PBXIP1: variants seen among roughly 807,000 people sequenced by gnomAD.
The protein encoded by PBXIP1 is pre-B-cell leukemia transcription factor-interacting protein 1.
In PBXIP1, 73 loss-of-function variants were observed where a neutral mutation model predicts 73.7. The observed-to-expected ratio is 0.99, with a 90% CI of 0.82 to 1.20. The LOEUF is 1.20. Ranked by LOEUF, PBXIP1 falls within the 50% of genes most tolerant of loss-of-function variation. The pLI, the probability that PBXIP1 is intolerant of heterozygous loss-of-function variation, is 0.00. For missense variants in PBXIP1, 818 were observed against 911.4 expected (o/e 0.90, Z 1.32); for synonymous variants, 330 against 366.9 (o/e 0.90, Z 1.15).
At chr1:154,949,697 T>C (rs1654947282) in intron 5 of PBXIP1, among the ~76,000 whole-genome samples, 1 of 152,018 alleles carries the variant, frequency 6.6e-6, no homozygotes, top group African/African-American at 2.4e-5. Context: ...CACCAATCAA[T>C]CACAGGTGAT....
rs760252887 is a variant in PBXIP1 at position 154,948,181 on chromosome 1, G to A, written c.595C>T (p.Leu199Phe). The change falls in exon 6 of 11, where the codon CTC becomes TTC. Residue 199 changes from leucine to phenylalanine, a missense_variant. Leu to Phe is a conservative substitution (Grantham distance 22, BLOSUM62 0). Transcript: ENST00000368463. ...CCAAGCAGAACCAGGGCCCCAAGGA[G>A]GCACATGTTGAGGGAGATGCCCAGC... ...GELGISLNMC[L>F]LGALVLLGLG... 16 of 1,604,114 alleles carry A rather than the reference G, an allele frequency of 1.0e-5. No homozygotes were observed. In the Middle Eastern group the frequency reaches 2.0e-3, roughly 200 times the overall value.
Position 154,946,182 on chromosome 1 carries a change from C to T in PBXIP1, c.1492G>A (p.Gly498Ser), listed in dbSNP as rs754375858. ...EHWKHKKEESGRERKKNWGGQ... is the reference protein window; with the variant it reads ...EHWKHKKEESSRERKKNWGGQ... ...CCCCAGTTCTTCTTCCTTTCCCGGC[C>T]AGATTCTTCCTTCTTATGTTTCCAG... Residue 498 changes from glycine (G) to serine (S), a missense_variant, in exon 10 of 11, where the codon GGC becomes AGC. Gly to Ser is a moderately conservative substitution (Grantham distance 56, BLOSUM62 0). Transcript: ENST00000368463. 8.7e-6 allele frequency: 14 copies of T among 1,614,026 alleles called. No individual in the cohort carries two copies. The Admixed American group carries it at 2.3e-4, about 27-fold the overall frequency.
Position 154,951,407 on chromosome 1 carries a change from A to C in PBXIP1, c.244-10T>G, listed in dbSNP as rs201533099. The C allele has an allele frequency of 1.5e-5, 25 of 1,614,012 alleles. No individual in the cohort carries two copies. Among genetic ancestry groups the C allele is most frequent in the Admixed American group, 1.5e-4 (9 of 60,014 alleles). Reference sequence around the variant, plus strand: ...CACCTTCCAGGGTGCCCTAATGCAGATGCAGCAGTGAGCAGCTGCTAGCCC... The same window carrying C: ...CACCTTCCAGGGTGCCCTAATGCAGCTGCAGCAGTGAGCAGCTGCTAGCCC... On this transcript the variant is annotated splice_polypyrimidine_tract_variant and intron_variant, in intron 4 of 10. Transcript: ENST00000368463. The surrounding 1 kb of genome is among the most constrained non-coding windows in gnomAD (Gnocchi z 4.3).
rs778613520 is a variant in PBXIP1, at chr1:154,951,426, C to G, written c.244-29G>C. ...ATGCAGATGCAGCAGTGAGCAGCTG[C>G]TAGCCCTCCCCGCCTCCCTTCCTTC... On this transcript the variant is annotated intron_variant, in intron 4 of 10. Transcript: ENST00000368463. This position sits in a 1 kb window ranked among gnomAD's most constrained non-coding sequence, Gnocchi z 4.3. 3 of 1,614,100 alleles carry G rather than the reference C, an allele frequency of 1.9e-6. No homozygotes were observed. Among genetic ancestry groups the G allele is most frequent in the Non-Finnish European group, 8.5e-7 (1 of 1,179,976 alleles).
chr1:154,948,433 G>A (rs1277124198), intron 5 of PBXIP1, 67 bp from the exon 6 acceptor site: 10 of 1,164,904 alleles, frequency 8.6e-6, no homozygotes, highest in South Asian at 1.5e-5. Context: ...GGGAGAGAGG[G>A]GAATCAGAGG....
chr1:154,953,748 T>C lies in PBXIP1; in HGVS notation c.-27A>G, dbSNP rs922469163. The stretch of plus-strand genomic sequence containing the variant: ...GTTGCTGAGGTCCCTGAGGCTGCTG[T>C]GGCTGCCACCTGCAGAAGAAAGCTC... On this transcript the variant is annotated 5_prime_UTR_variant, in exon 2 of 11. Coordinates refer to ENST00000368463, the MANE Select transcript of PBXIP1 (RefSeq NM_020524.4). 6.2e-7 allele frequency: 1 copy of C among 1,609,276 alleles called. No homozygotes were observed. The highest frequency in any genetic ancestry group is 8.5e-7 in the Non-Finnish European group (1 of 1,176,756).
intron 2 of PBXIP1, among the ~76,000 whole-genome samples, chr1:154,952,791 C>T (rs531614433): frequency 6.6e-6 from 1 of 152,192 alleles, no homozygotes; most frequent in South Asian, 2.1e-4. Flanking sequence ...GCCTGGTGCC[C>T]GTCTGCTCAT....
At position 154,944,934 on chromosome 1, in the gene PBXIP1, A is replaced by G; in HGVS notation, c.*90T>C. On this transcript the variant is annotated 3_prime_UTR_variant, in exon 11 of 11. Transcript: ENST00000368463. ...TGAAAGATATCTGAGGACACCAAAC[A>G]AGCCAGGACAGAGTCCACCCTCCAG... The G allele has an allele frequency of 1.9e-6, 2 of 1,044,328 alleles. No individual in the cohort carries two copies. The highest frequency in any genetic ancestry group is 3.1e-5 in the African/African-American group (2 of 63,870). 64.7% of individuals were successfully genotyped at this position (1,044,328 alleles called of 1,614,324 possible).
In PBXIP1 at chr1:154,945,903, C is replaced by T. The variant is rs1654791878; in HGVS notation, c.1771G>A (p.Val591Met). 6.2e-7 allele frequency: 1 copy of T among 1,614,096 alleles called. No homozygotes were observed. The highest frequency in any genetic ancestry group is 8.5e-7 in the Non-Finnish European group (1 of 1,180,002). Residue 591 changes from valine (V) to methionine (M), a missense_variant, in exon 10 of 11, where the codon GTG (valine) becomes ATG (methionine). Val to Met is a conservative substitution (Grantham distance 21). Transcript: ENST00000368463. ...KYRAPQGCSG[V>M]DECARQEGLT... ...CCCTCCTGCCGGGCACACTCGTCCA[C>T]ACCTGAGCAGCCCTGGGGTGCCCGG... is the stretch of plus-strand genomic sequence containing the variant.
chr1:154,947,782 T>A, intron 7 of PBXIP1, 70 bp from the exon 8 acceptor site: 1 of 1,518,210 alleles, frequency 6.6e-7, no homozygotes, highest in Non-Finnish European at 9.1e-7. Context: ...ACCTTCCCAT[T>A]CACACAGCCA....
At chr1:154,945,332 G>A (rs1370345079) in intron 10 of PBXIP1, among the ~76,000 whole-genome samples, 1 of 152,150 alleles carries the variant, frequency 6.6e-6, no homozygotes, top group Non-Finnish European at 1.5e-5. Context: ...GTAGAGGTAG[G>A]GCAGGGCAAC....
Position 154,945,834 on chromosome 1 carries a change from C to T in PBXIP1, c.1840G>A (p.Glu614Lys). ...GTELAPVRQQ[E>K]LASLLRTYLA... ...TATGTTCTTAGCAGAGAGGCCAGCT[C>T]CTGTTGCCGCACTGGGGCTAGCTCT... The change falls in exon 10 of 11, where the codon GAG (glutamate) becomes AAG (lysine). Residue 614 changes from glutamate to lysine, a missense_variant. Coordinates refer to ENST00000368463, the MANE Select transcript of PBXIP1 (RefSeq NM_020524.4). 6.2e-7 allele frequency: 1 copy of T among 1,614,182 alleles called. No homozygotes were observed. The highest frequency in any genetic ancestry group is 8.5e-7 in the Non-Finnish European group (1 of 1,180,022).
At chr1:154,948,829 C>T (rs371009826) in intron 5 of PBXIP1, among the ~76,000 whole-genome samples, 21 of 152,284 alleles carry the variant, frequency 1.4e-4, no homozygotes, top group East Asian at 5.8e-4. Flanking sequence ...CTGACACCCC[C>T]CTTCAGCAAT....
chr1:154,947,516 C>T lies in PBXIP1; in HGVS notation c.771G>A (p.Val257=), dbSNP rs779728916. The change falls in exon 9 of 11, where the codon GTG becomes GTA. Residue 257 remains valine (V), a synonymous_variant. Coordinates refer to ENST00000368463, the MANE Select transcript of PBXIP1 (RefSeq NM_020524.4). Reference sequence around the variant, plus strand: ...GCAGGCTGGGGACACTGTCAGGAGGCACTGGGGCCTGCAGCTGTTCCCTTA... The same window carrying T: ...GCAGGCTGGGGACACTGTCAGGAGGTACTGGGGCCTGCAGCTGTTCCCTTA... ...DGLREQLQAP[V]PPDSVPSLQN... 4.4e-6 allele frequency: 7 copies of T among 1,608,888 alleles called. No individual in the cohort carries two copies. The African/African-American group carries it at 9.4e-5, about 22-fold the overall frequency.
chr1:154,945,911 C>T lies in PBXIP1; in HGVS notation c.1763G>A (p.Cys588Tyr), dbSNP rs758049081. Reference sequence around the variant, plus strand: ...CCGGGCACACTCGTCCACACCTGAGCAGCCCTGGGGTGCCCGGTACTTGGG... The same window carrying T: ...CCGGGCACACTCGTCCACACCTGAGTAGCCCTGGGGTGCCCGGTACTTGGG... Reference protein sequence around the residue: ...LRPKYRAPQGCSGVDECARQE... With the variant: ...LRPKYRAPQGYSGVDECARQE... The change falls in exon 10 of 11, where the codon TGC (cysteine) becomes TAC (tyrosine). Residue 588 changes from cysteine (C) to tyrosine (Y), a missense_variant. By Grantham distance (194) the Cys-to-Tyr change is radical. Coordinates refer to ENST00000368463, the MANE Select transcript of PBXIP1 (RefSeq NM_020524.4). The T allele has an allele frequency of 4.1e-5, 66 of 1,614,102 alleles. No individual in the cohort carries two copies. In the Admixed American group the frequency reaches 1.1e-3, roughly 27 times the overall value.
In PBXIP1 at chr1:154,948,307, C is replaced by T. The variant is rs779869253; in HGVS notation, c.469G>A (p.Glu157Lys). The change falls in exon 6 of 11, where the codon GAG becomes AAG. Residue 157 changes from glutamate to lysine, a missense_variant. Coordinates refer to ENST00000368463, the MANE Select transcript of PBXIP1 (RefSeq NM_020524.4). ...SSDDDTDVDM[E>K]GLRRRRGREA... The stretch of plus-strand genomic sequence containing the variant: ...CGGCCCCGCCGTCTCCGCAGACCCT[C>T]CATGTCCACGTCGGTGTCATCGTCA... The T allele has an allele frequency of 2.5e-6, 4 of 1,611,038 alleles. No individual in the cohort carries two copies. Among genetic ancestry groups the T allele is most frequent in the Non-Finnish European group, 3.4e-6 (4 of 1,178,964 alleles).
At chr1:154,950,687 C>T (rs1287374632) in intron 5 of PBXIP1, among the ~76,000 whole-genome samples, 1 of 152,260 alleles carries the variant, frequency 6.6e-6, no homozygotes, top group African/African-American at 2.4e-5. Context: ...ATTCTCTTTT[C>T]CCTGCCCTAC....
Position 154,951,624 on chromosome 1 carries a change from G to T in PBXIP1, c.179-89C>A. The T allele has an allele frequency of 6.9e-7, 1 of 1,458,772 alleles. No homozygotes were observed. The highest frequency in any genetic ancestry group is 1.7e-5 in the Admixed American group (1 of 57,876). The allele number at this position is 1,458,772 out of a possible 1,614,324, so 90.4% of individuals were successfully genotyped here. A position where few individuals can be genotyped will look rare whatever the true frequency, so the allele number is the denominator to read the frequency against. ...TGTCCATCCCACGGGCCCCTACCAG[G>T]TTGGAAGAGGCAGGAAAAAGCCAGG... On this transcript the variant is annotated intron_variant, in intron 3 of 10. Transcript: ENST00000368463. This position sits in a 1 kb window ranked among gnomAD's most constrained non-coding sequence, Gnocchi z 4.3.
rs1178542295 is a variant in PBXIP1 at position 154,946,261 on chromosome 1, C to T, written c.1413G>A (p.Glu471=). 1 of 1,614,096 alleles carries T rather than the reference C, an allele frequency of 6.2e-7. No homozygotes were observed. Among genetic ancestry groups the T allele is most frequent in the East Asian group, 2.2e-5 (1 of 44,892 alleles). Reference sequence around the variant, plus strand: ...CCCACCACTTTTCCTTTCCACTCCACTCCCTAGAATTCTGGAAGTGGGACT... The same window carrying T: ...CCCACCACTTTTCCTTTCCACTCCATTCCCTAGAATTCTGGAAGTGGGACT... The part of the protein sequence containing the change: ...HQKSHFQNSR[E]WSGKEKWWDG... The change falls in exon 10 of 11, where the codon GAG becomes GAA. Residue 471 remains glutamate (E), a synonymous_variant. Coordinates refer to ENST00000368463, the MANE Select transcript of PBXIP1 (RefSeq NM_020524.4).
Sources: allele counts gnomAD v4.1 joint callset (sites outside exome capture counted in the v4.1 genomes callset), GRCh38; gene constraint gnomAD v4.1.1; non-coding constraint Gnocchi (gnomAD v3.1); transcripts MANE v1.5; gene names NCBI Gene and HGNC (gene_info 2026-07-23, HGNC 2026-07-21).